PSD3: variants seen among roughly 807,000 people sequenced by gnomAD.
PSD3 encodes pleckstrin and Sec7 domain containing 3, also known as PH and SEC7 domain-containing protein 3.
PSD3 carries 49 observed loss-of-function variants against 105.5 expected under a neutral mutation model. The observed-to-expected ratio is 0.46, with a 90% CI of 0.37 to 0.59. The LOEUF is 0.59. Among genes scored for constraint, PSD3 ranks in the 20% least tolerant of loss-of-function variants. PSD3 has a pLI of 0.00. For synonymous variants in PSD3, 557 were observed against 457.8 expected, an observed-to-expected ratio of 1.22 and a Z score of -2.77; for missense variants, 1,561 against 1,263.8, an observed-to-expected ratio of 1.24 and a Z score of -3.57.
chr8:18,793,321 T>TAATAA lies in PSD3; in HGVS notation c.2082+5973_2082+5974insTTATT, dbSNP rs1470053229. Among the ~76,000 whole-genome samples, 444 of 107,380 alleles carry TAATAA rather than the reference T, an allele frequency of 4.1e-3. 2 individuals are homozygous for TAATAA. Among genetic ancestry groups the TAATAA allele is most frequent in the African/African-American group, 0.015 (409 of 28,070 alleles). The allele number at this position is 107,380 out of a possible 152,430, so 70.4% of individuals were successfully genotyped here. On this transcript the variant is annotated intron_variant, in intron 8 of 15. Transcript: ENST00000327040. ...ATGTACCCTAGAACTTAAAGTATAA[T>TAATAA]AACAAAATAAAATAAAAAATAAAAA...
At chr8:18,741,325 T>C (rs923643941) in intron 9 of PSD3, among the ~76,000 whole-genome samples, 19 of 152,308 alleles carry the variant, frequency 1.2e-4, no homozygotes, top group Admixed American at 9.1e-4. Flanking sequence ...ATTTGCCCAA[T>C]GTCACAATGC....
intron 12 of PSD3, among the ~76,000 whole-genome samples, chr8:18,580,015 T>C (rs924630308): frequency 3.9e-5 from 6 of 152,208 alleles, no homozygotes; most frequent in African/African-American, 1.4e-4. Context: ...GGGTCCTAAA[T>C]TGTCTATTAA....
chr8:18,685,933 T>C (rs1198160960), intron 9 of PSD3, among the ~76,000 whole-genome samples: 2 of 152,096 alleles, frequency 1.3e-5, no homozygotes, highest in South Asian at 2.1e-4. Context: ...AAAAGAAACA[T>C]GCCCTTTGGA....
intron 15 of PSD3, among the ~76,000 whole-genome samples, chr8:18,555,878 G>T (rs764468417): frequency 6.6e-6 from 1 of 152,224 alleles, no homozygotes; most frequent in Non-Finnish European, 1.5e-5. Context: ...TCTGCCGGAA[G>T]AGACACAGGG....
intron 10 of PSD3, among the ~76,000 whole-genome samples, chr8:18,649,857 C>G (rs1456542125): frequency 1.3e-5 from 2 of 152,180 alleles, no homozygotes; most frequent in Non-Finnish European, 2.9e-5. Flanking sequence ...CCTGCTCTGG[C>G]CATGTGAAGT....
At chr8:18,580,916 T>C (rs1802773942) in intron 12 of PSD3, among the ~76,000 whole-genome samples, 1 of 152,126 alleles carries the variant, frequency 6.6e-6, no homozygotes, top group South Asian at 2.1e-4. Context: ...TCTTAACCAT[T>C]CCATCAATCA....
At chr8:18,899,288 T>C (rs912924312) in intron 2 of PSD3, among the ~76,000 whole-genome samples, 3 of 152,172 alleles carry the variant, frequency 2.0e-5, no homozygotes, top group African/African-American at 4.8e-5. Context: ...ATACCTTTTT[T>C]CCCATATCTA....
intron 6 of PSD3, chr8:18,803,302 A>AAG (rs1216235485): frequency 6.1e-6 from 1 of 163,358 alleles, no homozygotes; most frequent in Non-Finnish European, 1.3e-5. Flanking sequence ...AAAAAAAAAA[A>AAG]AAAAAAAGGC....
intron 9 of PSD3, among the ~76,000 whole-genome samples, chr8:18,753,118 A>G (rs1485595919): frequency 1.3e-5 from 2 of 152,070 alleles, no homozygotes; most frequent in East Asian, 3.9e-4. Context: ...GCACTCTGGG[A>G]AGCCGAGGCA....
At chr8:19,020,232 G>A (rs1455925020) in intron 1 of PSD3, among the ~76,000 whole-genome samples, 2 of 152,148 alleles carry the variant, frequency 1.3e-5, no homozygotes, top group Non-Finnish European at 2.9e-5. Context: ...GTTATATGAT[G>A]CTGAGTGTCT....
chr8:18,939,290 C>A (rs1178716124), intron 1 of PSD3, among the ~76,000 whole-genome samples: 1 of 152,110 alleles, frequency 6.6e-6, no homozygotes, highest in Non-Finnish European at 1.5e-5. Context: ...TATTTATTTG[C>A]ATTTACCTTT....
chr8:19,024,334 A>G (rs1237339146), intron 1 of PSD3, among the ~76,000 whole-genome samples: 7 of 152,296 alleles, frequency 4.6e-5, no homozygotes, highest in Non-Finnish European at 7.4e-5. Context: ...TGTCTCCAAG[A>G]GGACAGCAGG....
intron 11 of PSD3, among the ~76,000 whole-genome samples, chr8:18,621,504 T>A (rs756636276): frequency 2.0e-5 from 3 of 152,208 alleles, no homozygotes; most frequent in Non-Finnish European, 4.4e-5. Context: ...ACATGAGCCA[T>A]CATTACGGAA....
chr8:18,606,171 C>G (rs372267545), intron 11 of PSD3, among the ~76,000 whole-genome samples: 1 of 152,144 alleles, frequency 6.6e-6, no homozygotes, highest in South Asian at 2.1e-4. Context: ...AATAATGTCT[C>G]TCCTCTATCA....
chr8:18,779,025 C>A (rs550397944), intron 8 of PSD3, among the ~76,000 whole-genome samples: 1 of 152,036 alleles, frequency 6.6e-6, no homozygotes, highest in African/African-American at 2.4e-5. Context: ...TTGAGGAGAA[C>A]TGATGTTAGA....
At chr8:18,620,483 G>C (rs545093416) in intron 11 of PSD3, among the ~76,000 whole-genome samples, 3 of 152,124 alleles carry the variant, frequency 2.0e-5, no homozygotes, top group African/African-American at 7.2e-5. Context: ...GCCAAGCCTG[G>C]TGGATCACTT....
intron 1 of PSD3, among the ~76,000 whole-genome samples, chr8:18,952,432 T>C (rs1339773183): frequency 1.3e-5 from 2 of 152,224 alleles, no homozygotes; most frequent in Non-Finnish European, 2.9e-5. Flanking sequence ...GGGATTCACA[T>C]GTGAAAGTCA....
At chr8:18,929,354 G>C (rs1821589663) in intron 2 of PSD3, among the ~76,000 whole-genome samples, 1 of 152,112 alleles carries the variant, frequency 6.6e-6, no homozygotes, top group Non-Finnish European at 1.5e-5. Context: ...TAGAGCCACA[G>C]AGAAGCTAGA....
Position 18,686,160 on chromosome 8 carries a change from T to C in PSD3, c.2173-30475A>G, listed in dbSNP as rs146455279. 5.5e-3 allele frequency among the ~76,000 whole-genome samples: 840 copies of C among 152,330 alleles called. 4 individuals are homozygous for C. The highest frequency in any genetic ancestry group is 9.1e-3 in the Non-Finnish European group (619 of 68,026). On this transcript the variant is annotated intron_variant, in intron 9 of 15. Transcript: ENST00000327040. ...CCATCTTTACCCAAAGACTGCCCAA[T>C]TGACGTTACTCCTGTACTGTCTCCA...
Sources: gnomAD v4.1 joint callset for allele counts (sites outside exome capture counted in the v4.1 genomes callset) on GRCh38, gnomAD v4.1.1 for gene constraint, MANE v1.5 for transcripts, NCBI Gene and HGNC (gene_info 2026-07-23, HGNC 2026-07-21) for gene names.